Variants in CIMAP1C observed in about 807,000 individuals in gnomAD.
CIMAP1C encodes outer dense fiber of sperm tails 3 like 1.
chr15:75,726,805 G>A, the CIMAP1C span, among the ~76,000 whole-genome samples: 5 of 152,008 alleles, frequency 3.3e-5, no homozygotes, highest in African/African-American at 9.7e-5. Context: ...TAGTAGAGAT[G>A]GGGTTTCACC....
At chr15:75,727,420 TG>T in the CIMAP1C span, 1 of 1,614,042 alleles carries the variant, frequency 6.2e-7, no homozygotes, top group Non-Finnish European at 8.5e-7. Flanking sequence ...CGCCACGGCC[TG>T]GCCCCGGCTC....
chr15:75,726,572 G>A, the CIMAP1C span, among the ~76,000 whole-genome samples: 1 of 152,050 alleles, frequency 6.6e-6, no homozygotes, highest in South Asian at 2.1e-4. Flanking sequence ...TGACCACTGT[G>A]TTGCCATCCT....
chr15:75,724,105 G>A, the CIMAP1C span: 2 of 770,108 alleles, frequency 2.6e-6, 1 homozygote, highest in Non-Finnish European at 4.6e-6. Flanking sequence ...TGTCTGGGGT[G>A]GGGGATGGGG....
At chr15:75,727,467 ACATCCCTGCTTTCAC>A in the CIMAP1C span, 4 of 1,613,400 alleles carry the variant, frequency 2.5e-6, no homozygotes, top group Non-Finnish European at 3.4e-6. Context: ...CACAAGCCCC[ACATCCCTGCTTTCAC>A]CATGGGCATC....
chr15:75,727,155 G>A, the CIMAP1C span: 27 of 1,613,906 alleles, frequency 1.7e-5, 1 homozygote, highest in East Asian at 5.1e-4. Context: ...GGCTACCGGC[G>A]CCCATACAGA....
At chr15:75,724,243 A>G in the CIMAP1C span, 1 of 1,614,172 alleles carries the variant, frequency 6.2e-7, no homozygotes, top group Non-Finnish European at 8.5e-7. Flanking sequence ...TACTTTGCAC[A>G]GCACCCAGAA....
At chr15:75,727,002 G>T in the CIMAP1C span, 1 of 1,562,630 alleles carries the variant, frequency 6.4e-7, no homozygotes, top group South Asian at 1.2e-5. Flanking sequence ...TTGGCTAGCA[G>T]AGAATGAGGT....
the CIMAP1C span, among the ~76,000 whole-genome samples, chr15:75,724,797 C>T: frequency 5.3e-5 from 8 of 152,216 alleles, no homozygotes; most frequent in Non-Finnish European, 1.2e-4. Context: ...ATTTACCTTA[C>T]AGCATTGTTC....
chr15:75,725,284 C>A, the CIMAP1C span: 1 of 1,197,912 alleles, frequency 8.3e-7, no homozygotes, highest in Non-Finnish European at 1.2e-6. Context: ...AGGGGAGAGA[C>A]ATGGAGCCAT....
the CIMAP1C span, chr15:75,724,998 T>G: frequency 2.8e-6 from 2 of 702,110 alleles, no homozygotes; most frequent in Non-Finnish European, 5.0e-6. Context: ...GGCAGTGCGA[T>G]AGCAGCAAGA....
the CIMAP1C span, chr15:75,725,232 C>A: frequency 1.3e-6 from 2 of 1,558,250 alleles, no homozygotes; most frequent in Admixed American, 1.7e-5. Flanking sequence ...AGCGTTGCCA[C>A]CCCAGTCATC....
At chr15:75,725,397 C>T in the CIMAP1C span, among the ~76,000 whole-genome samples, 5 of 152,328 alleles carry the variant, frequency 3.3e-5, no homozygotes, top group South Asian at 8.3e-4. Context: ...ATCCCCTAGC[C>T]GCCTCTCCCA....
At chr15:75,725,041 T>C in the CIMAP1C span, 7 of 1,027,634 alleles carry the variant, frequency 6.8e-6, no homozygotes, top group African/African-American at 1.6e-5. Context: ...TGGTGCGCTG[T>C]ACTGGGGCTT....
the CIMAP1C span, chr15:75,725,311 G>A: frequency 9.7e-7 from 1 of 1,035,548 alleles, no homozygotes; most frequent in Non-Finnish European, 1.5e-6. Context: ...TAGCCACTGG[G>A]AATCTGAGAC....
chr15:75,724,225 G>A, the CIMAP1C span: 1 of 1,614,062 alleles, frequency 6.2e-7, no homozygotes, highest in Non-Finnish European at 8.5e-7. Flanking sequence ...GGGACCAGGA[G>A]CTCTGTGTAC....
the CIMAP1C span, among the ~76,000 whole-genome samples, chr15:75,724,717 C>A: frequency 1.3e-5 from 2 of 152,182 alleles, no homozygotes; most frequent in African/African-American, 2.4e-5. Flanking sequence ...AATCTTCACA[C>A]TACTAGTTTG....
chr15:75,725,363 T>C, the CIMAP1C span: 1 of 666,070 alleles, frequency 1.5e-6, no homozygotes, highest in Non-Finnish European at 2.7e-6. Flanking sequence ...CAGCGGGGAT[T>C]GAGGGTGGGG....
chr15:75,724,211 C>G, the CIMAP1C span: 1 of 1,613,688 alleles, frequency 6.2e-7, no homozygotes, highest in East Asian at 2.2e-5. Flanking sequence ...TGAAACTGCC[C>G]AAGGGGACCA....
the CIMAP1C span, chr15:75,726,947 T>G: frequency 1.6e-5 from 22 of 1,391,524 alleles, no homozygotes; most frequent in African/African-American, 1.7e-4. Context: ...GCCCTGCTGC[T>G]GAGGTGGTCA....
Sources: gnomAD v4.1 joint callset for allele counts (sites outside exome capture counted in the v4.1 genomes callset) on GRCh38, gnomAD v4.1.1 for gene constraint, MANE v1.5 for transcripts, NCBI Gene and HGNC (gene_info 2026-07-23, HGNC 2026-07-21) for gene names.